Variants in PDE6G observed in about 807,000 individuals in gnomAD.
PDE6G encodes phosphodiesterase 6G.
PDE6G carries 10 observed loss-of-function variants against 10.9 expected under a neutral mutation model. The ratio of observed to expected loss-of-function variants is 0.91; its 90% CI spans 0.56 to 1.55. PDE6G has a LOEUF of 1.55. PDE6G is among the 40% of genes most tolerant of loss of function. The probability of loss-of-function intolerance (pLI) is 0.00; values close to 1 mark genes in which losing one functional copy is unlikely to be tolerated. For synonymous variants in PDE6G, 41 were observed against 42.8 expected (o/e 0.96, Z 0.16); for missense variants, 102 against 110.1 (o/e 0.93, Z 0.33).
At chr17:81,654,812 A>C (rs1316466762) in intron 1 of PDE6G, among the ~76,000 whole-genome samples, 1 of 149,236 alleles carries the variant, frequency 6.7e-6, no homozygotes, top group Non-Finnish European at 1.5e-5. Context: ...CAGTGGCACG[A>C]TCTCAGCTCA....
intron 2 of PDE6G, among the ~76,000 whole-genome samples, chr17:81,652,192 G>A (rs1182459510): frequency 5.3e-5 from 8 of 151,570 alleles, no homozygotes; most frequent in Non-Finnish European, 1.0e-4. Flanking sequence ...TGCACTGATG[G>A]GAGCGAGATG....
Position 81,653,351 on chromosome 17 carries a change from C to G in PDE6G, c.-46G>C. 1 of 1,603,020 alleles carries G rather than the reference C, an allele frequency of 6.2e-7. No homozygotes were observed. Among genetic ancestry groups the G allele is most frequent in the Non-Finnish European group, 8.5e-7 (1 of 1,178,666 alleles). ...CGCGGCAACCTTGGCTCCTGGACTC[C>G]CTCCTGCTGCGGTCTGGGGGCAGAC... On this transcript the variant is annotated 5_prime_UTR_variant, in exon 2 of 4. Transcript: ENST00000331056. This position sits in a 1 kb window ranked among gnomAD's most constrained non-coding sequence, Gnocchi z 5.2.
intron 2 of PDE6G, among the ~76,000 whole-genome samples, chr17:81,652,958 C>T (rs62080191): frequency 0.093 from 14,115 of 151,878 alleles, 924 homozygotes; most frequent in Admixed American, 0.21. Context: ...GCATCTGGAG[C>T]GGGTGACAGG....
In PDE6G at chr17:81,651,275, C is replaced by T. The variant is rs527665940; in HGVS notation, c.188-125G>A. ...AGTGTGCTGAGCGGGGACGTGCGGACGCTGGAGTGGGGCCCTCCTCTGGGG... is the reference window on the plus strand; with the variant it reads ...AGTGTGCTGAGCGGGGACGTGCGGATGCTGGAGTGGGGCCCTCCTCTGGGG... On this transcript the variant is annotated intron_variant, in intron 3 of 3. Coordinates refer to ENST00000331056, the MANE Select transcript of PDE6G (RefSeq NM_002602.4). This position sits in a 1 kb window ranked among gnomAD's most constrained non-coding sequence, Gnocchi z 4.8. The T allele has an allele frequency of 1.6e-5, 12 of 744,448 alleles. No individual in the cohort carries two copies. Among genetic ancestry groups the T allele is most frequent in the East Asian group, 8.0e-5 (3 of 37,296 alleles). The allele number at this position is 744,448 out of a possible 1,614,324, so 46.1% of individuals were successfully genotyped here. A position where few individuals can be genotyped will look rare whatever the true frequency, so the allele number is the denominator to read the frequency against.
rs2036407389 is a variant in PDE6G, at chr17:81,653,861, A to G, written c.-59-497T>C. On this transcript the variant is annotated intron_variant, in intron 1 of 3. Transcript: ENST00000331056. The surrounding 1 kb of genome is among the most constrained non-coding windows in gnomAD (Gnocchi z 5.2). ...GTTTTGCTCTTGTTGCCTGGGCTGGAGTGCAGTGGCACTATCTCGGCTCAC... is the reference window on the plus strand; with the variant it reads ...GTTTTGCTCTTGTTGCCTGGGCTGGGGTGCAGTGGCACTATCTCGGCTCAC... Among the ~76,000 whole-genome samples, 1 of 151,876 alleles carries G rather than the reference A, an allele frequency of 6.6e-6. No homozygotes were observed. The highest frequency in any genetic ancestry group is 1.5e-5 in the Non-Finnish European group (1 of 67,980).
At chr17:81,654,533 C>A (rs569847877) in intron 1 of PDE6G, among the ~76,000 whole-genome samples, 2 of 152,116 alleles carry the variant, frequency 1.3e-5, no homozygotes, top group South Asian at 4.2e-4. Context: ...GCATGCGCCA[C>A]CACACCCAGC....
At chr17:81,656,634 G>C (rs1424766720), upstream of PDE6G, 1 of 709,814 alleles carries the variant, frequency 1.4e-6, no homozygotes, top group African/African-American at 1.7e-5. Context: ...TGGGCCCCGA[G>C]GGGGGGCACA....
upstream of PDE6G, among the ~76,000 whole-genome samples, chr17:81,660,111 G>C (rs1473231049): frequency 6.7e-6 from 1 of 149,052 alleles, no homozygotes; most frequent in African/African-American, 2.4e-5. Context: ...AAAAAGAAAA[G>C]AAACAAAATG....
chr17:81,651,890 A>C lies in PDE6G; in HGVS notation c.147-205T>G, dbSNP rs1017410266. On this transcript the variant is annotated intron_variant, in intron 2 of 3. Coordinates refer to ENST00000331056, the MANE Select transcript of PDE6G (RefSeq NM_002602.4). This position sits in a 1 kb window ranked among gnomAD's most constrained non-coding sequence, Gnocchi z 4.8. The stretch of plus-strand genomic sequence containing the variant: ...CAGACCCAGGGTGAGTCTGCTGCCC[A>C]GAGCATCATGGGGCTGAGGCCTAGA... Among the ~76,000 whole-genome samples the C allele has an allele frequency of 6.6e-6, 1 of 152,208 alleles. No homozygotes were observed. The highest frequency in any genetic ancestry group is 1.5e-5 in the Non-Finnish European group (1 of 68,028).
In PDE6G at chr17:81,653,463, C is replaced by A; in HGVS notation, c.-59-99G>T. On this transcript the variant is annotated intron_variant, in intron 1 of 3. Coordinates refer to ENST00000331056, the MANE Select transcript of PDE6G (RefSeq NM_002602.4). This position sits in a 1 kb window ranked among gnomAD's most constrained non-coding sequence, Gnocchi z 5.2. The stretch of plus-strand genomic sequence containing the variant: ...TGGAGGGGCTGAGACCCAGCCCCGC[C>A]AGCTCCAGCGTCATCCAGACAGCAG... 1 of 773,638 alleles carries A rather than the reference C, an allele frequency of 1.3e-6. No individual in the cohort carries two copies. Among genetic ancestry groups the A allele is most frequent in the Non-Finnish European group, 2.1e-6 (1 of 479,444 alleles). The allele number at this position is 773,638 out of a possible 1,614,324, so 47.9% of individuals were successfully genotyped here.
chr17:81,659,631 C>T (rs35380443), upstream of PDE6G, among the ~76,000 whole-genome samples: 13,385 of 152,028 alleles, frequency 0.088, 846 homozygotes, highest in East Asian at 0.22. Context: ...AGAAATTAAA[C>T]GGTGATGTGG....
At position 81,653,208 on chromosome 17, in the gene PDE6G, C is replaced by T. The variant is rs1341623748; in HGVS notation, c.98G>A (p.Arg33Gln). ...PRKGPPKFKQ[R>Q]QTRQFKSKPP... ...CTTGCTCTTGAACTGCCTGGTCTGT[C>T]GCTGCTTAAATTTAGGGGGCCCTTT... is the stretch of plus-strand genomic sequence containing the variant. The change falls in exon 2 of 4, where the codon CGA (arginine) becomes CAA (glutamine). Residue 33 changes from arginine (R) to glutamine (Q), a missense_variant. Transcript: ENST00000331056. This position sits in a 1 kb window ranked among gnomAD's most constrained non-coding sequence, Gnocchi z 5.2. 1.3e-5 allele frequency: 21 copies of T among 1,614,154 alleles called. No individual in the cohort carries two copies. The highest frequency in any genetic ancestry group is 3.3e-4 in the Middle Eastern group (2 of 6,062).
Position 81,650,953 on chromosome 17 carries a change from C to A in PDE6G, c.*121G>T. 1 of 766,908 alleles carries A rather than the reference C, an allele frequency of 1.3e-6. No homozygotes were observed. The highest frequency in any genetic ancestry group is 1.9e-5 in the Admixed American group (1 of 51,430). 47.5% of individuals were successfully genotyped at this position (766,908 alleles called of 1,614,324 possible). ...GTAGGGGGAGACCTGAGGTTGCAGT[C>A]CCATCCTGGTGTCCAGGTGCCATCT... On this transcript the variant is annotated 3_prime_UTR_variant, in exon 4 of 4. Coordinates refer to ENST00000331056, the MANE Select transcript of PDE6G (RefSeq NM_002602.4).
chr17:81,656,525 G>A lies in PDE6G; in HGVS notation c.-92C>T. 3 of 764,040 alleles carry A rather than the reference G, an allele frequency of 3.9e-6. No individual in the cohort carries two copies. The highest frequency in any genetic ancestry group is 7.2e-6 in the Non-Finnish European group (3 of 417,488). The allele number at this position is 764,040 out of a possible 1,614,324, so 47.3% of individuals were successfully genotyped here. On this transcript the variant is annotated 5_prime_UTR_variant, in exon 1 of 4. Transcript: ENST00000331056. ...AGGGCGGGTCTCAGGGGGCTGTGCT[G>A]TGAGTGCTGGGCCTCCCTCCGCAGG...
chr17:81,661,652 A>G (rs1295035616), intron 1 of PDE6G, among the ~76,000 whole-genome samples: 1 of 151,936 alleles, frequency 6.6e-6, no homozygotes, highest in Non-Finnish European at 1.5e-5. Flanking sequence ...CAAGGTCAGG[A>G]GTTCAAGACC....
chr17:81,654,294 G>A (rs190921416), intron 1 of PDE6G, among the ~76,000 whole-genome samples: 1 of 151,966 alleles, frequency 6.6e-6, no homozygotes, highest in Non-Finnish European at 1.5e-5. Flanking sequence ...GTGTCCTTAG[G>A]TTCTGATTTG....
chr17:81,655,549 A>G (rs1251523619), intron 1 of PDE6G, among the ~76,000 whole-genome samples: 1 of 152,176 alleles, frequency 6.6e-6, no homozygotes, highest in African/African-American at 2.4e-5. Context: ...CTCTCCCCAG[A>G]TGCCCTAAGC....
At chr17:81,656,192 C>G (rs997807453) in intron 1 of PDE6G, among the ~76,000 whole-genome samples, 1 of 152,210 alleles carries the variant, frequency 6.6e-6, no homozygotes. Flanking sequence ...TGCCCTGGCC[C>G]GACCCAGCCT....
rs752549969 is a variant in PDE6G, at chr17:81,650,894, G to T, written c.*180C>A. The T allele has an allele frequency of 3.0e-6, 2 of 675,138 alleles. No homozygotes were observed. Among genetic ancestry groups the T allele is most frequent in the South Asian group, 3.0e-5 (2 of 66,362 alleles). The allele number at this position is 675,138 out of a possible 1,614,324, so 41.8% of individuals were successfully genotyped here. A position where few individuals can be genotyped will look rare whatever the true frequency, so the allele number is the denominator to read the frequency against. ...AGCCCCTGAGGGGGCATCCTAGAGG[G>T]AGGTGGTGGGCTCCTGGTGACTGGT... On this transcript the variant is annotated 3_prime_UTR_variant, in exon 4 of 4. Transcript: ENST00000331056.
Sources: gnomAD v4.1 joint callset for allele counts (sites outside exome capture counted in the v4.1 genomes callset) on GRCh38, gnomAD v4.1.1 for gene constraint, Gnocchi (gnomAD v3.1) non-coding constraint, MANE v1.5 for transcripts, NCBI Gene and HGNC (gene_info 2026-07-23, HGNC 2026-07-21) for gene names.